MYRIP: variants seen among roughly 807,000 people sequenced by gnomAD.
MYRIP encodes the protein myosin VIIA and Rab interacting protein.
In MYRIP, 49 loss-of-function variants were observed where a neutral mutation model predicts 98.0. The ratio of observed to expected loss-of-function variants is 0.50; its 90% confidence interval spans 0.40 to 0.63. MYRIP has a LOEUF of 0.63. Ranked by LOEUF, MYRIP falls within the 30% of genes least tolerant of loss-of-function variation. The pLI is 0.00. For missense variants in MYRIP, 1,004 were observed against 1,058.2 expected (o/e 0.95, Z 0.71); for synonymous variants, 404 against 409.5 (o/e 0.99, Z 0.16).
chr3:39,882,467 A>C (rs1430162568), intron 1 of MYRIP, among the ~76,000 whole-genome samples: 1 of 152,168 alleles, frequency 6.6e-6, no homozygotes, highest in Non-Finnish European at 1.5e-5. Context: ...ATTTAAAATT[A>C]TTTTAAATAT....
intron 1 of MYRIP, among the ~76,000 whole-genome samples, chr3:39,899,742 T>C (rs1943701921): frequency 6.6e-6 from 1 of 152,198 alleles, no homozygotes. Flanking sequence ...TAAATTTTCA[T>C]TTTGGTGGAT....
chr3:40,110,690 C>G (rs1300503177), intron 3 of MYRIP, among the ~76,000 whole-genome samples: 2 of 152,138 alleles, frequency 1.3e-5, no homozygotes, highest in Non-Finnish European at 2.9e-5. Flanking sequence ...TTTTCACAGG[C>G]CCACATACAT....
intron 2 of MYRIP, among the ~76,000 whole-genome samples, chr3:39,942,875 T>C (rs375979839): frequency 6.6e-6 from 1 of 152,278 alleles, no homozygotes; most frequent in Non-Finnish European, 1.5e-5. Flanking sequence ...AATTCGCTTT[T>C]TAAACTCCCA....
At chr3:39,840,772 G>T (rs1941775854) in intron 1 of MYRIP, among the ~76,000 whole-genome samples, 1 of 152,192 alleles carries the variant, frequency 6.6e-6, no homozygotes, top group Admixed American at 6.5e-5. Context: ...TTTTCTTTAA[G>T]AATGTTGAAT....
chr3:39,810,985 C>G (rs1378763008), intron 1 of MYRIP, among the ~76,000 whole-genome samples: 1 of 152,166 alleles, frequency 6.6e-6, no homozygotes, highest in Non-Finnish European at 1.5e-5. Context: ...TTGACACTTA[C>G]TCAGGGGAGG....
chr3:40,190,114 C>T lies in MYRIP; in HGVS notation c.1316C>T (p.Ser439Phe), dbSNP rs376866623. 6 of 1,613,948 alleles carry T rather than the reference C, an allele frequency of 3.7e-6. No homozygotes were observed. The African/African-American group carries it at 8.0e-5, about 22-fold the overall frequency. ...QSSDQGPIAA[S>F]PSSALSPNPE... ...TCTGACCAAGGCCCCATAGCTGCCT[C>T]CCCATCCTCTGCACTCTCCCCCAAC... is the stretch of plus-strand genomic sequence containing the variant. The change falls in exon 10 of 17, where the codon TCC becomes TTC. Residue 439 changes from serine to phenylalanine, a missense_variant. Around this residue, in one of 3 missense-constraint regions of MYRIP, gnomAD observed 880 missense variants for 907.7 expected, o/e 0.97. Coordinates refer to ENST00000302541, the MANE Select transcript of MYRIP (RefSeq NM_015460.4).
intron 11 of MYRIP, among the ~76,000 whole-genome samples, chr3:40,221,747 T>C (rs1296240192): frequency 6.6e-6 from 1 of 152,226 alleles, no homozygotes; most frequent in Middle Eastern, 3.2e-3. Context: ...TCCAAAGGAA[T>C]CAAAGTGTGC....
intron 3 of MYRIP, among the ~76,000 whole-genome samples, chr3:40,096,872 G>C (rs1948843580): frequency 6.6e-6 from 1 of 152,206 alleles, no homozygotes; most frequent in African/African-American, 2.4e-5. Flanking sequence ...GATGTAGCTT[G>C]GCAAAGCTTG....
chr3:40,180,695 T>C (rs929944578), intron 8 of MYRIP, among the ~76,000 whole-genome samples: 4 of 152,222 alleles, frequency 2.6e-5, no homozygotes, highest in Non-Finnish European at 4.4e-5. Context: ...CTCTCTTCTA[T>C]ATTTGAAGGG....
At chr3:39,935,555 T>G (rs773564781) in intron 2 of MYRIP, among the ~76,000 whole-genome samples, 4 of 152,152 alleles carry the variant, frequency 2.6e-5, no homozygotes, top group Non-Finnish European at 5.9e-5. Flanking sequence ...TGTTTCCATA[T>G]GGGAATTTCT....
intron 12 of MYRIP, among the ~76,000 whole-genome samples, chr3:40,241,566 C>T (rs1019314321): frequency 3.3e-5 from 5 of 152,298 alleles, no homozygotes; most frequent in African/African-American, 7.2e-5. Flanking sequence ...CATATTAGTA[C>T]ATTAAAGCCT....
At chr3:40,074,580 G>C (rs1948302906) in intron 3 of MYRIP, among the ~76,000 whole-genome samples, 1 of 151,868 alleles carries the variant, frequency 6.6e-6, no homozygotes, top group African/African-American at 2.4e-5. Flanking sequence ...ACTTCAAAAA[G>C]TAACAGTAAA....
At chr3:39,890,099 AT>A (rs1329495501) in intron 1 of MYRIP, among the ~76,000 whole-genome samples, 1 of 151,336 alleles carries the variant, frequency 6.6e-6, no homozygotes, top group Non-Finnish European at 1.5e-5. Context: ...TCATCTCTCC[AT>A]TTCCTTCTTG....
chr3:39,954,883 G>A (rs942303960), intron 2 of MYRIP, among the ~76,000 whole-genome samples: 3 of 152,076 alleles, frequency 2.0e-5, no homozygotes, highest in Non-Finnish European at 4.4e-5. Flanking sequence ...AAATGCACAA[G>A]CTTCAGTAGC....
At chr3:39,862,786 A>G (rs1942511214) in intron 1 of MYRIP, among the ~76,000 whole-genome samples, 1 of 152,188 alleles carries the variant, frequency 6.6e-6, no homozygotes, top group Non-Finnish European at 1.5e-5. Context: ...GACCAAATGG[A>G]CCTGATAGAC....
chr3:39,928,293 T>A (rs1051327979), intron 2 of MYRIP, among the ~76,000 whole-genome samples: 13 of 151,072 alleles, frequency 8.6e-5, no homozygotes, highest in Non-Finnish European at 1.3e-4. Flanking sequence ...GCAGAAAATA[T>A]AGGAGGGACT....
chr3:40,014,034 G>A (rs905274335), intron 2 of MYRIP, among the ~76,000 whole-genome samples: 1 of 152,184 alleles, frequency 6.6e-6, no homozygotes, highest in African/African-American at 2.4e-5. Context: ...TTTTCATAAG[G>A]AGGAGGAAAC....
chr3:40,070,778 G>A (rs1374508847), intron 3 of MYRIP, among the ~76,000 whole-genome samples: 1 of 152,188 alleles, frequency 6.6e-6, no homozygotes, highest in East Asian at 1.9e-4. Flanking sequence ...AAAGGCTGGG[G>A]ACTGCTGCTT....
intron 3 of MYRIP, among the ~76,000 whole-genome samples, chr3:40,067,061 A>G (rs1948139910): frequency 6.6e-6 from 1 of 152,210 alleles, no homozygotes; most frequent in Admixed American, 6.5e-5. Flanking sequence ...AATGACTGTT[A>G]TTCATAAACC....
Sources: gnomAD v4.1 joint callset for allele counts (sites outside exome capture counted in the v4.1 genomes callset) on GRCh38, gnomAD v4.1.1 for gene constraint, gnomAD v4.1.1 regional missense constraint, MANE v1.5 for transcripts, NCBI Gene and HGNC (gene_info 2026-07-23, HGNC 2026-07-21) for gene names.